The following RAPGEF6 variants were observed in gnomAD, a reference collection of about 807,000 sequenced individuals.
RAPGEF6 encodes the protein Rap guanine nucleotide exchange factor 6.
In RAPGEF6, 56 loss-of-function variants were observed where a neutral mutation model predicts 171.4. The ratio of observed to expected loss-of-function variants is 0.33; its 90% confidence interval spans 0.26 to 0.41. RAPGEF6 has a LOEUF of 0.41. RAPGEF6 is among the 10% of genes least tolerant of loss of function. The pLI is 1.00. For synonymous variants in RAPGEF6, 692 were observed against 650.1 expected (o/e 1.06, Z -0.98); for missense variants, 1,674 against 1,921.4 (o/e 0.87, Z 2.41).
At chr5:131,505,647 A>T (rs1580933577) in intron 9 of RAPGEF6, 125 bp from the exon 10 acceptor site, 2 of 809,682 alleles carry the variant, frequency 2.5e-6, no homozygotes. Flanking sequence ...TGGTTATATT[A>T]CCAAACACTC....
intron 4 of RAPGEF6, among the ~76,000 whole-genome samples, chr5:131,586,371 G>C (rs1195389511): frequency 2.0e-5 from 3 of 152,202 alleles, no homozygotes; most frequent in African/African-American, 7.2e-5. Flanking sequence ...GGTCATTCTA[G>C]GCTGGGTATG....
chr5:131,428,363 T>G (rs984904186), intron 27 of RAPGEF6, among the ~76,000 whole-genome samples: 6 of 152,032 alleles, frequency 3.9e-5, no homozygotes, highest in Admixed American at 1.3e-4. Flanking sequence ...TAGTGAGTCA[T>G]TATTGTGCCA....
chr5:131,599,374 C>CA lies in RAPGEF6; in HGVS notation c.197+3896dup, dbSNP rs369535420. ...AACAAAACGAACAAACAAAAAAACT[C>CA]AAACTACACAGCTTGACAGTGCAGT... On this transcript the variant is annotated intron_variant, in intron 3 of 27. Transcript: ENST00000509018. Among the ~76,000 whole-genome samples the CA allele has an allele frequency of 3.9e-3, 591 of 152,102 alleles. 7 individuals carry two copies. The highest frequency in any genetic ancestry group is 0.014 in the African/African-American group (571 of 41,508).
At chr5:131,456,091 C>G (rs1457652108) in intron 19 of RAPGEF6, 79 bp from the exon 20 acceptor site, 2 of 984,876 alleles carry the variant, frequency 2.0e-6, no homozygotes, top group African/African-American at 3.3e-5. Flanking sequence ...ACACCATTTT[C>G]TCTAATAAAA....
At chr5:131,430,037 AAG>A (rs1246298561) in intron 26 of RAPGEF6, among the ~76,000 whole-genome samples, 1 of 149,392 alleles carries the variant, frequency 6.7e-6, no homozygotes, top group Non-Finnish European at 1.5e-5. Context: ...GCAATACAGC[AAG>A]AGTCCATCTC....
At position 131,524,609 on chromosome 5, in the gene RAPGEF6, T is replaced by TGAGAGAGAGAGA. The variant is rs55956395; in HGVS notation, c.496-3100_496-3089dup. ...GGAGAGGGAGGGGGGAGAGAGAGAT[T>TGAGAGAGAGAGA]GAGAGAGAGAGAGAGAGAGAGAGAG... On this transcript the variant is annotated intron_variant, in intron 6 of 27. Transcript: ENST00000509018. Among the ~76,000 whole-genome samples, 245 of 135,008 alleles carry TGAGAGAGAGAGA rather than the reference T, an allele frequency of 1.8e-3. 1 individual carries two copies. The highest frequency in any genetic ancestry group is 6.4e-3 in the African/African-American group (225 of 34,990). 88.6% of individuals were successfully genotyped at this position (135,008 alleles called of 152,430 possible). A position where few individuals can be genotyped will look rare whatever the true frequency, so the allele number is the denominator to read the frequency against.
chr5:131,488,183 G>A (rs1002207831), intron 15 of RAPGEF6, among the ~76,000 whole-genome samples: 1 of 152,054 alleles, frequency 6.6e-6, no homozygotes, highest in Admixed American at 6.6e-5. Context: ...ACTACTCAAA[G>A]GGTTCTGAGG....
At chr5:131,527,194 T>C (rs1357155060) in intron 6 of RAPGEF6, among the ~76,000 whole-genome samples, 1 of 152,106 alleles carries the variant, frequency 6.6e-6, no homozygotes, top group African/African-American at 2.4e-5. Context: ...ACTGCCTTAG[T>C]ATACAGAGAC....
chr5:131,431,447 TACC>T (rs1056210183), intron 25 of RAPGEF6, 98 bp from the exon 26 acceptor site: 17 of 1,326,418 alleles, frequency 1.3e-5, no homozygotes, highest in Non-Finnish European at 1.6e-5. Context: ...ACAGAGCACG[TACC>T]ACAAGTGTTC....
intron 1 of RAPGEF6, among the ~76,000 whole-genome samples, chr5:131,617,570 A>G (rs1262940919): frequency 6.6e-6 from 1 of 152,164 alleles, no homozygotes; most frequent in African/African-American, 2.4e-5. Flanking sequence ...CTCCTGCCTC[A>G]GCCTCTTGAG....
chr5:131,584,373 C>A (rs540901832), intron 4 of RAPGEF6, among the ~76,000 whole-genome samples: 1 of 152,302 alleles, frequency 6.6e-6, no homozygotes, highest in East Asian at 1.9e-4. Flanking sequence ...TCTGATCTAA[C>A]CAATACCCAG....
chr5:131,431,728 G>A (rs890939008), intron 25 of RAPGEF6, among the ~76,000 whole-genome samples: 5 of 151,740 alleles, frequency 3.3e-5, no homozygotes, highest in African/African-American at 1.2e-4. Flanking sequence ...GGGCTCAAGT[G>A]ATCCTCCCGC....
intron 3 of RAPGEF6, among the ~76,000 whole-genome samples, chr5:131,600,531 A>C: frequency 7.8e-6 from 1 of 128,046 alleles, no homozygotes; most frequent in East Asian, 2.8e-4. Context: ...ACTAACGAGA[A>C]GGAAGGAAGG....
Position 131,424,241 on chromosome 5 carries a change from C to T in RAPGEF6, c.*3025G>A, listed in dbSNP as rs1368257664. The T allele has an allele frequency of 6.6e-6, 1 of 152,244 alleles. No homozygotes were observed. Among genetic ancestry groups the T allele is most frequent in the Non-Finnish European group, 1.5e-5 (1 of 68,020 alleles). 9.4% of individuals were successfully genotyped at this position (152,244 alleles called of 1,614,324 possible). A position where few individuals can be genotyped will look rare whatever the true frequency, so the allele number is the denominator to read the frequency against. On this transcript the variant is annotated 3_prime_UTR_variant, in exon 28 of 28. Coordinates refer to ENST00000509018, the MANE Select transcript of RAPGEF6 (RefSeq NM_016340.6). ...TGTCTCAATTTTAAAAGATCAAGTT[C>T]AACTGCATTCTGTGTATCAAAAATA...
chr5:131,541,956 T>C (rs764651152), intron 6 of RAPGEF6, among the ~76,000 whole-genome samples: 2 of 126,592 alleles, frequency 1.6e-5, no homozygotes, highest in African/African-American at 3.1e-5. Context: ...TCTCATTTGA[T>C]TGGCTTCTAG....
chr5:131,582,319 G>A (rs939062703), intron 4 of RAPGEF6, among the ~76,000 whole-genome samples: 1 of 152,150 alleles, frequency 6.6e-6, no homozygotes, highest in East Asian at 1.9e-4. Flanking sequence ...TTCTAATAAA[G>A]GTGCAAAGGC....
At chr5:131,452,910 A>T in intron 21 of RAPGEF6, 144 bp downstream of exon 21, 1 of 1,035,278 alleles carries the variant, frequency 9.7e-7, no homozygotes, top group South Asian at 2.6e-5. Flanking sequence ...TATTAATGAT[A>T]AATGATTACA....
intron 6 of RAPGEF6, among the ~76,000 whole-genome samples, chr5:131,539,848 C>G (rs1787830915): frequency 6.6e-6 from 1 of 152,178 alleles, no homozygotes; most frequent in Non-Finnish European, 1.5e-5. Context: ...AAAGAACCGC[C>G]TGCTACATTA....
chr5:131,581,646 C>T (rs912891404), intron 4 of RAPGEF6, among the ~76,000 whole-genome samples: 1 of 152,074 alleles, frequency 6.6e-6, no homozygotes, highest in African/African-American at 2.4e-5. Flanking sequence ...AAAATTTTCA[C>T]CCCAAGTTTT....
Sources: allele counts gnomAD v4.1 joint callset (sites outside exome capture counted in the v4.1 genomes callset), GRCh38; gene constraint gnomAD v4.1.1; transcripts MANE v1.5; gene names NCBI Gene and HGNC (gene_info 2026-07-23, HGNC 2026-07-21).